Variants in PITPNB observed in about 807,000 individuals in gnomAD.
PITPNB encodes the protein phosphatidylinositol transfer protein beta isoform.
In PITPNB, 16 loss-of-function variants were observed where a neutral mutation model predicts 45.9. The ratio of observed to expected loss-of-function variants is 0.35; its 90% CI spans 0.24 to 0.53. The LOEUF (loss-of-function observed/expected upper bound fraction) is 0.53, where lower values mean the gene tolerates loss of function less well. Ranked by LOEUF, PITPNB falls within the 20% of genes least tolerant of loss-of-function variation. The pLI is 0.93. For synonymous variants in PITPNB, 112 were observed against 108.9 expected (o/e 1.03, Z -0.18); for missense variants, 188 against 330.5 (o/e 0.57, Z 3.34).
At chr22:27,855,004 G>A (rs1934130976) in intron 10 of PITPNB, 65 bp from the exon 11 acceptor site, 1 of 1,089,324 alleles carries the variant, frequency 9.2e-7, no homozygotes, top group Non-Finnish European at 1.4e-6. Context: ...GTAAGCAAGG[G>A]GAGAAAAAAG....
At chr22:27,862,523 ATAT>A (rs1180794657) in intron 8 of PITPNB, among the ~76,000 whole-genome samples, 7 of 152,204 alleles carry the variant, frequency 4.6e-5, no homozygotes, top group Admixed American at 4.6e-4. Flanking sequence ...TTAAATAAAA[ATAT>A]TATAGTAAAC....
intron 2 of PITPNB, 54 bp from the exon 3 acceptor site, chr22:27,911,163 T>G: frequency 7.7e-7 from 1 of 1,300,070 alleles, no homozygotes; most frequent in Non-Finnish European, 1.1e-6. Flanking sequence ...CTGCAGAAAT[T>G]TAGTATGCTA....
At chr22:27,913,223 C>T (rs1935982900) in intron 2 of PITPNB, among the ~76,000 whole-genome samples, 1 of 152,144 alleles carries the variant, frequency 6.6e-6, no homozygotes, top group Non-Finnish European at 1.5e-5. Context: ...AGTGAATCCT[C>T]CTGAGATATA....
At chr22:27,894,707 C>G in intron 6 of PITPNB, 69 bp from the exon 7 acceptor site, 1 of 870,790 alleles carries the variant, frequency 1.1e-6, no homozygotes, top group South Asian at 1.5e-5. Flanking sequence ...CACATATAAT[C>G]TTTATCTTGA....
intron 1 of PITPNB, among the ~76,000 whole-genome samples, chr22:27,915,241 A>G (rs1402725298): frequency 6.6e-6 from 1 of 152,108 alleles, no homozygotes; most frequent in Non-Finnish European, 1.5e-5. Flanking sequence ...TCCTTCTCAT[A>G]CTTTCCTAAT....
intron 7 of PITPNB, among the ~76,000 whole-genome samples, chr22:27,886,184 A>T (rs1935118896): frequency 6.6e-6 from 1 of 152,222 alleles, no homozygotes; most frequent in South Asian, 2.1e-4. Flanking sequence ...TCCGTTTCCT[A>T]TGGTAGGTAC....
At chr22:27,881,867 A>G (rs377155740) in intron 7 of PITPNB, among the ~76,000 whole-genome samples, 141 of 152,358 alleles carry the variant, frequency 9.3e-4, no homozygotes, top group African/African-American at 3.2e-3. Flanking sequence ...AAGCTTACAA[A>G]TACTAACAAC....
intron 3 of PITPNB, among the ~76,000 whole-genome samples, chr22:27,904,769 AAGAG>A (rs1935709053): frequency 6.6e-6 from 1 of 152,198 alleles, no homozygotes; most frequent in Non-Finnish European, 1.5e-5. Flanking sequence ...AAGAAGATAC[AAGAG>A]GAGGGAAATT....
At chr22:27,896,999 G>T in intron 5 of PITPNB, 131 bp downstream of exon 5, 1 of 744,932 alleles carries the variant, frequency 1.3e-6, no homozygotes, top group Non-Finnish European at 2.5e-6. Flanking sequence ...GAGTGTGGCG[G>T]CTGGTTGGTG....
chr22:27,918,954 C>G, intron 1 of PITPNB: 3 of 711,028 alleles, frequency 4.2e-6, no homozygotes, highest in Non-Finnish European at 4.9e-6. Context: ...GCCTTCGCCC[C>G]GGGGAAGGGA....
chr22:27,878,436 C>T (rs1934880628), intron 7 of PITPNB, among the ~76,000 whole-genome samples: 2 of 152,130 alleles, frequency 1.3e-5, no homozygotes, highest in South Asian at 4.1e-4. Context: ...AGAGAAATAA[C>T]ATTTACTAAC....
chr22:27,904,479 TAGTC>T (rs1271833288), intron 3 of PITPNB, among the ~76,000 whole-genome samples: 3 of 152,236 alleles, frequency 2.0e-5, no homozygotes, highest in Non-Finnish European at 4.4e-5. Flanking sequence ...GAGTGGGTAA[TAGTC>T]AGTGACTGCT....
At chr22:27,884,471 A>G (rs1321170554) in intron 7 of PITPNB, among the ~76,000 whole-genome samples, 4 of 152,224 alleles carry the variant, frequency 2.6e-5, no homozygotes, top group African/African-American at 9.6e-5. Flanking sequence ...GAAGTTCCCT[A>G]TCAATCAGGG....
intron 7 of PITPNB, among the ~76,000 whole-genome samples, chr22:27,892,384 G>A (rs780162805): frequency 7.9e-5 from 12 of 152,204 alleles, no homozygotes; most frequent in Non-Finnish European, 1.3e-4. Context: ...AAGGTATCTT[G>A]TACTCTGCTG....
At chr22:27,881,946 GA>G (rs1934987119) in intron 7 of PITPNB, among the ~76,000 whole-genome samples, 1 of 152,054 alleles carries the variant, frequency 6.6e-6, no homozygotes, top group Non-Finnish European at 1.5e-5. Flanking sequence ...ATTTTGAAAA[GA>G]AAAAAGTTTT....
At chr22:27,864,490 TATTA>T (rs1934425515) in intron 8 of PITPNB, among the ~76,000 whole-genome samples, 1 of 152,078 alleles carries the variant, frequency 6.6e-6, no homozygotes. Context: ...AAACATATCC[TATTA>T]ATCAAGTAAA....
At chr22:27,909,575 G>A (rs1407169829) in intron 3 of PITPNB, among the ~76,000 whole-genome samples, 1 of 152,000 alleles carries the variant, frequency 6.6e-6, no homozygotes, top group East Asian at 1.9e-4. Flanking sequence ...ATTTTAACAA[G>A]AGACTATCTT....
chr22:27,874,816 A>G (rs1286738698), intron 7 of PITPNB, among the ~76,000 whole-genome samples: 1 of 152,154 alleles, frequency 6.6e-6, no homozygotes, highest in Non-Finnish European at 1.5e-5. Context: ...AGACTTTCTG[A>G]CTCTGGGGTC....
At chr22:27,918,921 T>A (rs894273622) in intron 1 of PITPNB, among the ~76,000 whole-genome samples, 5 of 151,078 alleles carry the variant, frequency 3.3e-5, no homozygotes, top group African/African-American at 9.7e-5. Flanking sequence ...TCCCGAGCCA[T>A]GCGCTCGGGC....
Sources: allele counts gnomAD v4.1 joint callset (sites outside exome capture counted in the v4.1 genomes callset), GRCh38; gene constraint gnomAD v4.1.1; transcripts MANE v1.5; gene names NCBI Gene and HGNC (gene_info 2026-07-23, HGNC 2026-07-21).